The following WDR64 variants were observed in gnomAD, a reference collection of about 807,000 sequenced individuals.
The protein encoded by WDR64 is WD repeat domain 64.
A neutral mutation model predicts 139.3 loss-of-function variants in WDR64; 112 were observed. The ratio of observed to expected loss-of-function variants is 0.80; its 90% CI spans 0.69 to 0.94. The LOEUF is 0.94. WDR64 is among the 40% of genes least tolerant of loss of function. The pLI is 0.00. For synonymous variants in WDR64, 444 were observed against 437.7 expected (o/e 1.01, Z -0.18); for missense variants, 1,206 against 1,293.1 (o/e 0.93, Z 1.03).
chr1:241,740,559 A>T (rs904267992), intron 11 of WDR64, among the ~76,000 whole-genome samples: 1 of 152,230 alleles, frequency 6.6e-6, no homozygotes, highest in Non-Finnish European at 1.5e-5. Context: ...GAGAAACTCA[A>T]TGCAAAATCT....
At chr1:241,733,534 T>C (rs1467388643) in intron 10 of WDR64, among the ~76,000 whole-genome samples, 1 of 151,880 alleles carries the variant, frequency 6.6e-6, no homozygotes, top group Non-Finnish European at 1.5e-5. Context: ...TTACTGCTAC[T>C]AGAAGATAAA....
At position 241,757,308 on chromosome 1, in the gene WDR64, T is replaced by C. The variant is rs1183499247; in HGVS notation, c.1796T>C (p.Met599Thr). 1.9e-6 allele frequency: 3 copies of C among 1,613,794 alleles called. No homozygotes were observed. The highest frequency in any genetic ancestry group is 1.1e-5 in the South Asian group (1 of 91,008). Residue 599 changes from methionine (M) to threonine (T), a missense_variant, in exon 15 of 28, where the codon ATG becomes ACG. Met to Thr is a moderately conservative substitution (Grantham distance 81, BLOSUM62 -1). Transcript: ENST00000437684. ...IQGKEDDIYL[M>T]VIWELPDVVP... ...GGTAAGGAAGATGATATCTACCTCA[T>C]GGTGATCTGGGAGCTGCCTGATGTT...
In WDR64 at chr1:241,696,113, C is replaced by CAAAAAAAAAAAAAAAA. The variant is rs541301982; in HGVS notation, c.974+8531_974+8546dup. Among the ~76,000 whole-genome samples, 50 of 22,318 alleles carry CAAAAAAAAAAAAAAAA rather than the reference C, an allele frequency of 2.2e-3. 13 individuals are homozygous for CAAAAAAAAAAAAAAAA. The highest frequency in any genetic ancestry group is 6.3e-3 in the African/African-American group (45 of 7,164). 14.6% of individuals were successfully genotyped at this position (22,318 alleles called of 152,430 possible). Reference sequence around the variant, plus strand: ...TGTGGAATGGAATGAGACCCAGTATCAAAAAAAAAAAAAAAAAAAAAAAAA... The same window carrying CAAAAAAAAAAAAAAAA: ...TGTGGAATGGAATGAGACCCAGTATCAAAAAAAAAAAAAAAAAAAAAAAAAAAAAAAAAAAAAAAAA... On this transcript the variant is annotated intron_variant, in intron 8 of 27. Transcript: ENST00000437684.
chr1:241,711,962 A>G (rs1307214645), intron 9 of WDR64, 81 bp downstream of exon 9: 51 of 1,317,164 alleles, frequency 3.9e-5, no homozygotes, highest in Non-Finnish European at 5.4e-5. Flanking sequence ...TAGGAAGAAC[A>G]CATTAGGGAA....
At chr1:241,654,379 T>C (rs1665492858) in intron 1 of WDR64, among the ~76,000 whole-genome samples, 1 of 152,234 alleles carries the variant, frequency 6.6e-6, no homozygotes, top group Non-Finnish European at 1.5e-5. Flanking sequence ...CTCTGATCAC[T>C]TTGCTGAAAA....
intron 9 of WDR64, among the ~76,000 whole-genome samples, chr1:241,718,378 C>T (rs1362141261): frequency 6.6e-6 from 1 of 152,122 alleles, no homozygotes; most frequent in Non-Finnish European, 1.5e-5. Context: ...CAAACTAAGT[C>T]TAAAAGGGTG....
At chr1:241,798,917 T>C (rs1199995262) in intron 27 of WDR64, among the ~76,000 whole-genome samples, 1 of 152,154 alleles carries the variant, frequency 6.6e-6, no homozygotes, top group Non-Finnish European at 1.5e-5. Flanking sequence ...TGAGTTTGTA[T>C]TTCCTTTTCA....
chr1:241,741,725 TTAAAA>T (rs1193206252), intron 12 of WDR64, 61 bp downstream of exon 12: 20 of 1,468,370 alleles, frequency 1.4e-5, no homozygotes, highest in South Asian at 2.8e-5. Flanking sequence ...TTTTCTGTTC[TTAAAA>T]TAAATCATTG....
intron 19 of WDR64, among the ~76,000 whole-genome samples, chr1:241,771,929 T>TATAC (rs201661383): frequency 2.1e-4 from 11 of 52,436 alleles, no homozygotes; most frequent in Non-Finnish European, 2.6e-4. Flanking sequence ...TATACATACA[T>TATAC]ATACATACAT....
intron 25 of WDR64, among the ~76,000 whole-genome samples, chr1:241,794,502 C>CT (rs1659299229): frequency 2.5e-3 from 265 of 104,914 alleles, no homozygotes; most frequent in African/African-American, 4.1e-3. Flanking sequence ...TTAAGCTTTA[C>CT]TGTTTTTTTT....
chr1:241,786,386 TA>T (rs1659037605), intron 23 of WDR64, among the ~76,000 whole-genome samples: 2 of 152,244 alleles, frequency 1.3e-5, no homozygotes, highest in Admixed American at 6.5e-5. Flanking sequence ...AATCAATAAA[TA>T]AAAGGAAGAT....
intron 10 of WDR64, among the ~76,000 whole-genome samples, chr1:241,733,996 G>C (rs191024810): frequency 2.3e-4 from 35 of 152,192 alleles, no homozygotes; most frequent in African/African-American, 5.3e-4. Flanking sequence ...GTAAGCCTTG[G>C]GGGGCTGAAA....
chr1:241,748,254 G>T lies in WDR64; in HGVS notation c.1595-1293G>T, dbSNP rs541012247. Among the ~76,000 whole-genome samples, 3 of 152,320 alleles carry T rather than the reference G, an allele frequency of 2.0e-5. No individual in the cohort carries two copies. The East Asian group carries it at 5.8e-4, about 29-fold the overall frequency. ...TTGAGGGGAGATAGGAAAACCTCCT[G>T]GGCTCAGACCATTTGACATGCCTTA... On this transcript the variant is annotated intron_variant, in intron 13 of 27. Transcript: ENST00000437684.
intron 8 of WDR64, among the ~76,000 whole-genome samples, chr1:241,691,237 A>C (rs1272175060): frequency 1.3e-5 from 2 of 152,190 alleles, no homozygotes; most frequent in Admixed American, 1.3e-4. Context: ...GAAAAAGAGT[A>C]AAAGACAAAA....
intron 24 of WDR64, among the ~76,000 whole-genome samples, chr1:241,788,931 C>T (rs1413508763): frequency 2.6e-5 from 4 of 152,100 alleles, no homozygotes. Context: ...AATTGCTTAG[C>T]CTTGAATGTT....
chr1:241,763,351 A>C (rs1355383643), intron 15 of WDR64, among the ~76,000 whole-genome samples: 1 of 152,210 alleles, frequency 6.6e-6, no homozygotes, highest in Admixed American at 6.5e-5. Flanking sequence ...TATTTTTTGT[A>C]GTTATCATAA....
chr1:241,767,435 T>C (rs1656688052), intron 16 of WDR64, among the ~76,000 whole-genome samples: 1 of 152,016 alleles, frequency 6.6e-6, no homozygotes, highest in Admixed American at 6.6e-5. Flanking sequence ...AGCTGTGTAA[T>C]TGGAACGTGT....
At chr1:241,799,458 G>A (rs1659463914) in intron 27 of WDR64, among the ~76,000 whole-genome samples, 1 of 151,574 alleles carries the variant, frequency 6.6e-6, no homozygotes, top group Non-Finnish European at 1.5e-5. Context: ...CTGTAACTCA[G>A]TAATATTTCT....
At chr1:241,784,891 T>G (rs1230901781) in intron 23 of WDR64, among the ~76,000 whole-genome samples, 1 of 136,478 alleles carries the variant, frequency 7.3e-6, no homozygotes, top group African/African-American at 2.7e-5. Context: ...GAGGCGGAGA[T>G]TGTAGTGAGC....
Sources: allele counts gnomAD v4.1 joint callset (sites outside exome capture counted in the v4.1 genomes callset), GRCh38; gene constraint gnomAD v4.1.1; transcripts MANE v1.5; gene names NCBI Gene and HGNC (gene_info 2026-07-23, HGNC 2026-07-21).